The following NRXN3 variants were observed in gnomAD, a reference collection of about 807,000 sequenced individuals.
NRXN3 encodes the protein neurexin 3.
Under a neutral mutation model 137.6 loss-of-function variants are expected in NRXN3, and 32 were observed. That is an observed-to-expected ratio of 0.23 (90% CI 0.18 to 0.31). The LOEUF is 0.31. NRXN3 is among the 10% of genes least tolerant of loss of function. The pLI is 1.00. For synonymous variants in NRXN3, 798 were observed against 784.5 expected (o/e 1.02, Z -0.29); for missense variants, 1,574 against 2,062.5 (o/e 0.76, Z 4.59).
At chr14:78,739,629 G>A (rs1054470173) in intron 8 of NRXN3, among the ~76,000 whole-genome samples, 2 of 152,124 alleles carry the variant, frequency 1.3e-5, no homozygotes, top group African/African-American at 4.8e-5. Flanking sequence ...CTGCCACCAT[G>A]CCTGGGTATT....
chr14:79,285,800 G>A (rs1163184296), intron 15 of NRXN3, among the ~76,000 whole-genome samples: 1 of 152,080 alleles, frequency 6.6e-6, no homozygotes, highest in Non-Finnish European at 1.5e-5. Context: ...TTTGACATAT[G>A]AATTTTGAAG....
intron 10 of NRXN3, among the ~76,000 whole-genome samples, chr14:78,846,802 G>A (rs2099028389): frequency 6.6e-6 from 1 of 152,098 alleles, no homozygotes; most frequent in Admixed American, 6.6e-5. Flanking sequence ...TCTGTGGTTT[G>A]CCTTCCCACT....
intron 10 of NRXN3, among the ~76,000 whole-genome samples, chr14:78,944,055 G>C (rs955870382): frequency 6.6e-6 from 1 of 152,118 alleles, no homozygotes; most frequent in African/African-American, 2.4e-5. Flanking sequence ...GGAGCTAACT[G>C]TTGAAGAATA....
At chr14:79,467,603 A>G (rs2096446389) in intron 16 of NRXN3, among the ~76,000 whole-genome samples, 2 of 152,216 alleles carry the variant, frequency 1.3e-5, no homozygotes, top group Non-Finnish European at 2.9e-5. Context: ...CCCCATGTAT[A>G]TAGGGAGGAA....
chr14:78,897,655 C>T (rs1332151619), intron 10 of NRXN3, among the ~76,000 whole-genome samples: 1 of 151,888 alleles, frequency 6.6e-6, no homozygotes. Flanking sequence ...GACTCCTCCA[C>T]CTCCACTCTG....
chr14:78,884,762 C>G (rs914712566), intron 10 of NRXN3, among the ~76,000 whole-genome samples: 6 of 152,078 alleles, frequency 3.9e-5, no homozygotes, highest in African/African-American at 1.4e-4. Flanking sequence ...AAAGTTGAAG[C>G]CAAACAGCCT....
intron 10 of NRXN3, among the ~76,000 whole-genome samples, chr14:78,861,906 G>T (rs2099073390): frequency 6.6e-6 from 1 of 152,064 alleles, no homozygotes; most frequent in African/African-American, 2.4e-5. Flanking sequence ...CATCTGTAAA[G>T]CCAGTATAGG....
chr14:78,518,359 T>A (rs1369005564), intron 4 of NRXN3, among the ~76,000 whole-genome samples: 6 of 152,170 alleles, frequency 3.9e-5, no homozygotes, highest in African/African-American at 1.2e-4. Flanking sequence ...TTAGCATCAC[T>A]TTTTGTCATT....
intron 4 of NRXN3, among the ~76,000 whole-genome samples, chr14:78,445,696 T>A (rs772882010): frequency 6.6e-6 from 1 of 152,236 alleles, no homozygotes; most frequent in Admixed American, 6.5e-5. Flanking sequence ...GACCAACTAT[T>A]GTTCACTGTG....
chr14:78,279,361 T>A (rs1449555306), intron 3 of NRXN3, among the ~76,000 whole-genome samples: 1 of 152,252 alleles, frequency 6.6e-6, no homozygotes, highest in Non-Finnish European at 1.5e-5. Flanking sequence ...CACACATACA[T>A]AGAATCATGT....
intron 1 of NRXN3, among the ~76,000 whole-genome samples, chr14:78,193,916 G>C (rs986685593): frequency 3.3e-5 from 5 of 152,194 alleles, no homozygotes; most frequent in East Asian, 1.9e-4. Context: ...TTCTCTCTCT[G>C]TACCTCACCC....
chr14:79,599,867 C>T lies in NRXN3; in HGVS notation c.3445-63911C>T, dbSNP rs150282642. 0.022 allele frequency among the ~76,000 whole-genome samples: 3,420 copies of T among 152,182 alleles called. 217 individuals are homozygous for T. In the East Asian group the frequency reaches 0.25, roughly 11 times the overall value. On this transcript the variant is annotated intron_variant, in intron 16 of 20. Coordinates refer to ENST00000335750, the MANE Select transcript of NRXN3 (RefSeq NM_001330195.2). ...AAAATTAGCCGGGTGTGGTGGTACA[C>T]GCCTGTAATCCCAGCTGTCCAGAAG...
intron 4 of NRXN3, among the ~76,000 whole-genome samples, chr14:78,319,048 G>A (rs909078021): frequency 1.3e-5 from 2 of 152,174 alleles, no homozygotes; most frequent in African/African-American, 4.8e-5. Context: ...CCATTCTTTG[G>A]AGGGACAAGT....
intron 19 of NRXN3, among the ~76,000 whole-genome samples, chr14:79,743,383 C>T (rs1316049358): frequency 6.6e-6 from 1 of 152,112 alleles, no homozygotes; most frequent in African/African-American, 2.4e-5. Flanking sequence ...TCTAAAATTT[C>T]ACTGACAACT....
At chr14:79,662,996 T>C (rs554676091) in intron 16 of NRXN3, among the ~76,000 whole-genome samples, 13 of 152,126 alleles carry the variant, frequency 8.5e-5, no homozygotes, top group Non-Finnish European at 1.8e-4. Context: ...TACTCTTATC[T>C]AATTCATTGC....
At position 79,513,681 on chromosome 14, in the gene NRXN3, T is replaced by C. The variant is rs12880383; in HGVS notation, c.3444+46279T>C. 4.5e-3 allele frequency among the ~76,000 whole-genome samples: 690 copies of C among 152,354 alleles called. 4 individuals are homozygous for C. Among genetic ancestry groups the C allele is most frequent in the Admixed American group, 0.012 (183 of 15,304 alleles). ...ATGGCAGTGCATAATTACAAGTTCT[T>C]GTTCAGCACTTCAGGAGCTAATCAG... On this transcript the variant is annotated intron_variant, in intron 16 of 20. Transcript: ENST00000335750.
At chr14:78,609,404 A>G (rs2097280776) in intron 4 of NRXN3, among the ~76,000 whole-genome samples, 1 of 152,290 alleles carries the variant, frequency 6.6e-6, no homozygotes, top group Admixed American at 6.5e-5. Flanking sequence ...TGATGGAGAA[A>G]CCCAGGTCCT....
At chr14:79,154,740 TA>T (rs1184870818) in intron 15 of NRXN3, among the ~76,000 whole-genome samples, 1 of 151,922 alleles carries the variant, frequency 6.6e-6, no homozygotes, top group East Asian at 1.9e-4. Flanking sequence ...ACAAGCTGTG[TA>T]AAGGTTACAG....
intron 6 of NRXN3, among the ~76,000 whole-genome samples, chr14:78,675,632 A>T (rs2097995239): frequency 6.6e-6 from 1 of 152,214 alleles, no homozygotes; most frequent in South Asian, 2.1e-4. Context: ...AAATTTTATT[A>T]TTATGCCAGC....
Sources: gnomAD v4.1 joint callset for allele counts (sites outside exome capture counted in the v4.1 genomes callset) on GRCh38, gnomAD v4.1.1 for gene constraint, MANE v1.5 for transcripts, NCBI Gene and HGNC (gene_info 2026-07-23, HGNC 2026-07-21) for gene names.